Variants in VOPP1 observed in about 807,000 individuals in gnomAD.
VOPP1 encodes WW domain binding protein VOPP1.
Under a neutral mutation model 23.5 loss-of-function variants are expected in VOPP1, and 8 were observed. That is an observed-to-expected ratio of 0.34 (90% CI 0.20 to 0.61). VOPP1 has a LOEUF of 0.61. Among genes scored for constraint, VOPP1 ranks in the 20% least tolerant of loss-of-function variants. The pLI is 0.78. For synonymous variants in VOPP1, 83 were observed against 97.3 expected (o/e 0.85, Z 0.86); for missense variants, 174 against 238.1 (o/e 0.73, Z 1.77).
intron 4 of VOPP1, 148 bp from the exon 5 acceptor site, chr7:55,473,193 C>G: frequency 7.8e-7 from 1 of 1,275,420 alleles, no homozygotes. Context: ...GAGGGGGCAC[C>G]TGGGCTGTGG....
chr7:55,458,047 G>T (rs182195342), intron 4 of VOPP1, among the ~76,000 whole-genome samples: 2 of 152,184 alleles, frequency 1.3e-5, no homozygotes, highest in African/African-American at 4.8e-5. Context: ...TCTTCCAGTA[G>T]TTTCATAATT....
At chr7:55,503,629 A>T (rs937008522) in intron 2 of VOPP1, among the ~76,000 whole-genome samples, 2 of 152,234 alleles carry the variant, frequency 1.3e-5, no homozygotes, top group African/African-American at 2.4e-5. Flanking sequence ...GGATGGTGTT[A>T]AAAGGTGGGG....
chr7:55,468,825 T>C (rs531305253), downstream of VOPP1, among the ~76,000 whole-genome samples: 46 of 152,232 alleles, frequency 3.0e-4, no homozygotes, highest in African/African-American at 1.0e-3. Context: ...TCCTGCAAAA[T>C]GGGCAGGTCA....
intron 1 of VOPP1, among the ~76,000 whole-genome samples, chr7:55,525,463 T>C (rs1796123336): frequency 6.8e-6 from 1 of 146,384 alleles, no homozygotes; most frequent in South Asian, 2.2e-4. Flanking sequence ...AACTCCAGCC[T>C]GGGCGACAGA....
intron 3 of VOPP1, among the ~76,000 whole-genome samples, chr7:55,493,708 G>A (rs1343672682): frequency 1.3e-5 from 2 of 152,212 alleles, no homozygotes; most frequent in Non-Finnish European, 2.9e-5. Flanking sequence ...CCCCGACCCC[G>A]CCAACACTGA....
intron 4 of VOPP1, among the ~76,000 whole-genome samples, chr7:55,442,318 G>A (rs1790985720): frequency 6.6e-6 from 1 of 152,180 alleles, no homozygotes; most frequent in Non-Finnish European, 1.5e-5. Context: ...TTCTCCGAAG[G>A]GTGGAGGAAG....
rs76351441 is a variant in VOPP1 at position 55,509,658 on chromosome 7, T to C, written c.113+11414A>G. Among the ~76,000 whole-genome samples, 647 of 152,328 alleles carry C rather than the reference T, an allele frequency of 4.2e-3. 3 individuals carry two copies. Among genetic ancestry groups the C allele is most frequent in the African/African-American group, 0.014 (594 of 41,582 alleles). On this transcript the variant is annotated intron_variant, in intron 2 of 4. Transcript: ENST00000285279. ...GTCTACATTCCAGCTCTGGACTACA[T>C]CCTGCCCTCTTCCACCTCTGCTGCA...
intron 3 of VOPP1, 110 bp downstream of exon 3, chr7:55,497,503 G>A: frequency 2.0e-6 from 2 of 1,013,704 alleles, no homozygotes; most frequent in Non-Finnish European, 3.0e-6. Context: ...GGCTGTCCTT[G>A]AGGCCACCAC....
intron 1 of VOPP1, among the ~76,000 whole-genome samples, chr7:55,527,481 A>C (rs934576467): frequency 2.0e-5 from 3 of 152,198 alleles, no homozygotes; most frequent in Non-Finnish European, 2.9e-5. Flanking sequence ...GCAGGCTGTA[A>C]ACCTTAAACG....
At chr7:55,502,405 C>G (rs1295866904) in intron 2 of VOPP1, among the ~76,000 whole-genome samples, 1 of 152,244 alleles carries the variant, frequency 6.6e-6, no homozygotes, top group Non-Finnish European at 1.5e-5. Flanking sequence ...TCTCAAAACA[C>G]AGGAACCCTT....
At chr7:55,548,386 G>A (rs1255565728) in intron 1 of VOPP1, among the ~76,000 whole-genome samples, 4 of 152,206 alleles carry the variant, frequency 2.6e-5, no homozygotes, top group Non-Finnish European at 5.9e-5. Flanking sequence ...CTGACCGCCT[G>A]GTCCTCAGAG....
At chr7:55,532,572 A>C (rs915049955) in intron 1 of VOPP1, among the ~76,000 whole-genome samples, 1 of 152,244 alleles carries the variant, frequency 6.6e-6, no homozygotes, top group African/African-American at 2.4e-5. Flanking sequence ...CTGTGATCCA[A>C]AATGAACCAG....
intron 1 of VOPP1, among the ~76,000 whole-genome samples, chr7:55,544,030 A>C (rs1038898293): frequency 2.0e-5 from 3 of 152,204 alleles, no homozygotes; most frequent in African/African-American, 7.2e-5. Flanking sequence ...ATTTTAGCAT[A>C]ATACTTTCAT....
At chr7:55,536,083 G>A (rs1796770495) in intron 1 of VOPP1, among the ~76,000 whole-genome samples, 1 of 152,224 alleles carries the variant, frequency 6.6e-6, no homozygotes, top group African/African-American at 2.4e-5. Context: ...TGGCCCCAGT[G>A]CCTGACCCAG....
chr7:55,458,633 C>T (rs1035721497), intron 4 of VOPP1, among the ~76,000 whole-genome samples: 5 of 151,824 alleles, frequency 3.3e-5, no homozygotes, highest in African/African-American at 7.3e-5. Context: ...TGGTTAGATC[C>T]GAGGTATTTT....
intron 4 of VOPP1, among the ~76,000 whole-genome samples, chr7:55,452,734 T>C (rs1262874880): frequency 1.3e-5 from 2 of 152,230 alleles, no homozygotes; most frequent in Non-Finnish European, 2.9e-5. Flanking sequence ...TTAAAAGGAA[T>C]CGTTTTTGCT....
chr7:55,524,770 G>C (rs889231982), intron 1 of VOPP1, among the ~76,000 whole-genome samples: 2 of 152,106 alleles, frequency 1.3e-5, no homozygotes, highest in Non-Finnish European at 2.9e-5. Flanking sequence ...CCAGGAGGTG[G>C]AGAGGCACAC....
intron 2 of VOPP1, among the ~76,000 whole-genome samples, chr7:55,517,340 G>C (rs1207700620): frequency 2.0e-5 from 3 of 151,940 alleles, no homozygotes; most frequent in African/African-American, 7.3e-5. Flanking sequence ...ATGAGGCATA[G>C]GTACCTTCCC....
downstream of VOPP1, among the ~76,000 whole-genome samples, chr7:55,470,337 G>A (rs113024401): frequency 6.6e-6 from 1 of 152,190 alleles, no homozygotes; most frequent in East Asian, 1.9e-4. Context: ...AAGGCTCCCC[G>A]ACCTGTGAAA....
Sources: gnomAD v4.1 joint callset for allele counts (sites outside exome capture counted in the v4.1 genomes callset) on GRCh38, gnomAD v4.1.1 for gene constraint, MANE v1.5 for transcripts, NCBI Gene and HGNC (gene_info 2026-07-23, HGNC 2026-07-21) for gene names.